The following CLCN3 variants were observed in gnomAD, a reference collection of about 807,000 sequenced individuals.
CLCN3 encodes the protein H(+)/Cl(-) exchange transporter 3.
In CLCN3, 16 loss-of-function variants were observed where a neutral mutation model predicts 83.4. The ratio of observed to expected loss-of-function variants is 0.19; its 90% CI spans 0.13 to 0.29. The LOEUF is 0.29. CLCN3 is among the 10% of genes least tolerant of loss of function. The probability of loss-of-function intolerance (pLI) is 1.00; values close to 1 mark genes in which losing one functional copy is unlikely to be tolerated. For synonymous variants in CLCN3, 322 were observed against 346.2 expected (o/e 0.93, Z 0.78); for missense variants, 544 against 1,006.0 (o/e 0.54, Z 6.21).
At position 169,632,496 on chromosome 4, in the gene CLCN3, G is replaced by C. The variant is rs533868800; in HGVS notation, c.-16-3417G>C. ...TGTAATACCAGCAATTTGGGAGGCC[G>C]AGGCGGGCGGATCACGAGGTCAGGA... is the stretch of plus-strand genomic sequence containing the variant. On this transcript the variant is annotated intron_variant, in intron 1 of 12. Transcript: ENST00000513761. Among the ~76,000 whole-genome samples, 5 of 152,074 alleles carry C rather than the reference G, an allele frequency of 3.3e-5. No individual in the cohort carries two copies. The East Asian group carries it at 9.7e-4, about 29-fold the overall frequency.
chr4:169,695,489 G>A, intron 7 of CLCN3, 123 bp from the exon 8 acceptor site: 1 of 720,102 alleles, frequency 1.4e-6, no homozygotes, highest in Non-Finnish European at 2.4e-6. Context: ...TGCTTAGGGA[G>A]CAAGGAAACA....
At chr4:169,629,492 T>G (rs1287520414) in intron 1 of CLCN3, among the ~76,000 whole-genome samples, 2 of 152,084 alleles carry the variant, frequency 1.3e-5, no homozygotes, top group African/African-American at 4.8e-5. Context: ...TGCCTCGGCC[T>G]CCTGAGTAGC....
intron 2 of CLCN3, among the ~76,000 whole-genome samples, chr4:169,656,066 CTTT>C (rs376782821): frequency 6.9e-6 from 1 of 145,860 alleles, no homozygotes; most frequent in Non-Finnish European, 1.5e-5. Context: ...TTTGCTGTAT[CTTT>C]TTTTTTTTTC....
At chr4:169,631,024 T>G (rs910665673) in intron 1 of CLCN3, among the ~76,000 whole-genome samples, 8 of 152,216 alleles carry the variant, frequency 5.3e-5, no homozygotes, top group African/African-American at 1.9e-4. Context: ...AGTTCTTTGA[T>G]AAATCTCCAA....
At chr4:169,654,248 T>G (rs1392947206) in intron 2 of CLCN3, among the ~76,000 whole-genome samples, 1 of 151,874 alleles carries the variant, frequency 6.6e-6, no homozygotes, top group Non-Finnish European at 1.5e-5. Flanking sequence ...CCCTCCTCCT[T>G]TCCCTTCTTC....
At chr4:169,696,049 T>A (rs1299077510) in intron 8 of CLCN3, among the ~76,000 whole-genome samples, 1 of 152,116 alleles carries the variant, frequency 6.6e-6, no homozygotes, top group Non-Finnish European at 1.5e-5. Context: ...TTCACCATGT[T>A]GGCCAGGCTG....
Position 169,692,123 on chromosome 4 carries a change from A to G in CLCN3, c.739A>G (p.Ile247Val). Reference protein sequence around the residue: ...CGSGIPEIKTILSGFIIRGYL... With the variant: ...CGSGIPEIKTVLSGFIIRGYL... ...AATCTTTGCCTTGTAGATTAAAACT[A>G]TTTTAAGTGGATTCATCATCAGAGG... is the stretch of plus-strand genomic sequence containing the variant. Residue 247 changes from isoleucine (I) to valine (V), a missense_variant, in exon 7 of 13, where the codon ATT becomes GTT. Ile to Val is a conservative substitution (Grantham distance 29). This residue lies in a region of CLCN3 where 96 missense variants were observed against 202.1 expected (regional missense o/e 0.48). Transcript: ENST00000513761. The G allele has an allele frequency of 6.3e-7, 1 of 1,588,678 alleles. No individual in the cohort carries two copies. Among genetic ancestry groups the G allele is most frequent in the Non-Finnish European group, 8.6e-7 (1 of 1,157,908 alleles).
intron 11 of CLCN3, among the ~76,000 whole-genome samples, chr4:169,712,549 C>CT (rs1484337481): frequency 6.6e-6 from 1 of 152,122 alleles, no homozygotes; most frequent in Non-Finnish European, 1.5e-5. Context: ...ATGTTCATGA[C>CT]TTTTCTAGAA....
chr4:169,639,085 G>A (rs1171111335), intron 2 of CLCN3, among the ~76,000 whole-genome samples: 3 of 152,072 alleles, frequency 2.0e-5, no homozygotes, highest in Non-Finnish European at 4.4e-5. Flanking sequence ...TCTGGAGTGC[G>A]GTGGTACAAT....
chr4:169,717,843 A>G (rs924115666), intron 12 of CLCN3: 1 of 1,613,202 alleles, frequency 6.2e-7, no homozygotes. Context: ...ATCTCGAGCA[A>G]CTAAAGCAGC....
intron 2 of CLCN3, among the ~76,000 whole-genome samples, chr4:169,674,529 A>G (rs754300396): frequency 3.3e-5 from 5 of 152,172 alleles, no homozygotes; most frequent in Non-Finnish European, 5.9e-5. Context: ...ACTACATAAC[A>G]TTAGGATGGG....
chr4:169,704,282 T>C (rs1004910359), intron 10 of CLCN3, 98 bp downstream of exon 10: 2 of 1,135,986 alleles, frequency 1.8e-6, no homozygotes, highest in African/African-American at 1.5e-5. Flanking sequence ...GGCGGATTGG[T>C]TGAGTAAAGG....
intron 2 of CLCN3, among the ~76,000 whole-genome samples, chr4:169,672,220 T>TGATTGATAGATA (rs1553968500): frequency 2.3e-4 from 34 of 145,612 alleles, no homozygotes; most frequent in Middle Eastern, 3.4e-3. Context: ...TCAAAATAAA[T>TGATTGATAGATA]GATAGATAGA....
At chr4:169,634,668 C>T (rs994366626) in intron 1 of CLCN3, among the ~76,000 whole-genome samples, 6 of 151,962 alleles carry the variant, frequency 3.9e-5, no homozygotes, top group Admixed American at 1.3e-4. Flanking sequence ...TTTGGTTATT[C>T]CTCCAAGAAC....
chr4:169,624,385 C>T (rs369432020), intron 1 of CLCN3, among the ~76,000 whole-genome samples: 4 of 152,268 alleles, frequency 2.6e-5, no homozygotes, highest in Admixed American at 2.0e-4. Flanking sequence ...CGACCCGCCT[C>T]GGCCACCCAA....
chr4:169,695,008 C>G (rs755353770), intron 7 of CLCN3, among the ~76,000 whole-genome samples: 2 of 152,024 alleles, frequency 1.3e-5, no homozygotes, highest in Non-Finnish European at 2.9e-5. Flanking sequence ...TTGGATTTTT[C>G]TTTTCCTTTA....
chr4:169,643,546 A>T (rs72694754), intron 2 of CLCN3, among the ~76,000 whole-genome samples: 11,343 of 151,810 alleles, frequency 0.075, 476 homozygotes, highest in African/African-American at 0.12. Context: ...TAATTTTTTT[A>T]AAAAAATTCA....
intron 2 of CLCN3, among the ~76,000 whole-genome samples, chr4:169,673,384 C>T (rs1373663377): frequency 6.6e-6 from 1 of 152,138 alleles, no homozygotes; most frequent in Non-Finnish European, 1.5e-5. Flanking sequence ...ACTACTGTAC[C>T]TTTTTCTACC....
chr4:169,656,515 A>G (rs1730890342), intron 2 of CLCN3, among the ~76,000 whole-genome samples: 1 of 152,184 alleles, frequency 6.6e-6, no homozygotes, highest in Non-Finnish European at 1.5e-5. Flanking sequence ...CCCCGCCTCC[A>G]ACATTGGGGA....
Sources: allele counts gnomAD v4.1 joint callset (sites outside exome capture counted in the v4.1 genomes callset), GRCh38; gene constraint gnomAD v4.1.1; regional missense constraint gnomAD v4.1.1; transcripts MANE v1.5; gene names NCBI Gene and HGNC (gene_info 2026-07-23, HGNC 2026-07-21).